HBP1: variants seen among roughly 807,000 people sequenced by gnomAD.
HBP1 encodes HMG-box transcription factor 1.
A neutral mutation model predicts 62.6 loss-of-function variants in HBP1; 20 were observed. The ratio of observed to expected loss-of-function variants is 0.32; its 90% CI spans 0.22 to 0.46. The LOEUF (loss-of-function observed/expected upper bound fraction) is 0.46, where lower values mean the gene tolerates loss of function less well. Ranked by LOEUF, HBP1 falls within the 20% of genes least tolerant of loss-of-function variation. HBP1 has a pLI of 1.00. For synonymous variants in HBP1, 232 were observed against 206.2 expected (o/e 1.12, Z -1.07); for missense variants, 480 against 611.8 (o/e 0.78, Z 2.27).
chr7:107,184,370 A>C (rs982883407), intron 3 of HBP1, among the ~76,000 whole-genome samples: 1 of 152,248 alleles, frequency 6.6e-6, no homozygotes, highest in South Asian at 2.1e-4. Flanking sequence ...TGATGTGAAC[A>C]TGAAAGTATA....
chr7:107,172,932 G>T (rs1026985461), intron 1 of HBP1, among the ~76,000 whole-genome samples: 1 of 152,122 alleles, frequency 6.6e-6, no homozygotes, highest in African/African-American at 2.4e-5. Flanking sequence ...GTCCAAATAA[G>T]AAAACAGGCC....
At chr7:107,170,990 TAA>T (rs1187702729) in intron 1 of HBP1, among the ~76,000 whole-genome samples, 1 of 141,848 alleles carries the variant, frequency 7.0e-6, no homozygotes, top group Non-Finnish European at 1.5e-5. Flanking sequence ...TGTATATATA[TAA>T]AATATATAAC....
At chr7:107,179,795 T>C (rs1333141278) in intron 1 of HBP1, 84 bp from the exon 2 acceptor site, 2 of 830,442 alleles carry the variant, frequency 2.4e-6, no homozygotes, top group Admixed American at 2.3e-5. Context: ...AACAACATTG[T>C]CATGTCTCTG....
In HBP1 at chr7:107,202,366, T is replaced by C; in HGVS notation, c.*935T>C. The C allele has an allele frequency of 6.6e-6, 1 of 152,632 alleles. No individual in the cohort carries two copies. Among genetic ancestry groups the C allele is most frequent in the African/African-American group, 2.4e-5 (1 of 41,450 alleles). 9.5% of individuals were successfully genotyped at this position (152,632 alleles called of 1,614,324 possible). On this transcript the variant is annotated 3_prime_UTR_variant, in exon 11 of 11. Transcript: ENST00000222574. ...CTGCTTTTGCTCTGAGCTACAATCA[T>C]GGCTTTTCATGTTACTTACCAAGTG... is the stretch of plus-strand genomic sequence containing the variant.
chr7:107,171,054 TA>T, intron 1 of HBP1, among the ~76,000 whole-genome samples: 1 of 61,114 alleles, frequency 1.6e-5, no homozygotes, highest in South Asian at 3.6e-4. Flanking sequence ...TAAATATATA[TA>T]TATATATATA....
In HBP1 at chr7:107,180,037, C is replaced by T. The variant is rs1384943845; in HGVS notation, c.144C>T (p.Asn48=). 3 of 1,591,314 alleles carry T rather than the reference C, an allele frequency of 1.9e-6. No individual in the cohort carries two copies. Among genetic ancestry groups the T allele is most frequent in the Admixed American group, 1.7e-5 (1 of 59,770 alleles). The part of the protein sequence containing the change: ...NENLPSSPGY[N]SCDEHMELDD... ...ATTTGCCATCTTCACCTGGATATAA[C>T]TCCTGTGATGAACACATGGAGCTTG... Residue 48 remains asparagine (N), a synonymous_variant, in exon 2 of 11, where the codon AAC becomes AAT. Coordinates refer to ENST00000222574, the MANE Select transcript of HBP1 (RefSeq NM_012257.4).
At chr7:107,171,025 TATATAAC>T (rs1796539585) in intron 1 of HBP1, among the ~76,000 whole-genome samples, 1 of 138,924 alleles carries the variant, frequency 7.2e-6, no homozygotes, top group Non-Finnish European at 1.5e-5. Flanking sequence ...ATATATAAAA[TATATAAC>T]ATATACATGT....
chr7:107,194,629 T>C (rs1292901000), intron 8 of HBP1, among the ~76,000 whole-genome samples: 2 of 152,244 alleles, frequency 1.3e-5, no homozygotes, highest in Non-Finnish European at 2.9e-5. Context: ...CATCTATCTT[T>C]AGAATTTTGT....
At chr7:107,194,567 T>C (rs1411213273) in intron 8 of HBP1, among the ~76,000 whole-genome samples, 2 of 152,214 alleles carry the variant, frequency 1.3e-5, no homozygotes, top group Non-Finnish European at 2.9e-5. Flanking sequence ...GTAGAAGTCA[T>C]TTACTGTGTG....
chr7:107,200,240 C>T lies in HBP1; in HGVS notation c.1466C>T (p.Ala489Val). The change falls in exon 10 of 11, where the codon GCT becomes GTT. Residue 489 changes from alanine (A) to valine (V), a missense_variant. By Grantham distance (64) the Ala-to-Val change is moderately conservative. Coordinates refer to ENST00000222574, the MANE Select transcript of HBP1 (RefSeq NM_012257.4). ...AGAATGTACACATTAGAAGCAAAGG[C>T]TTTGGCTGAAGAACAGAAACGTTTA... ...ERRMYTLEAK[A>V]LAEEQKRLNP... 1 of 1,612,942 alleles carries T rather than the reference C, an allele frequency of 6.2e-7. No individual in the cohort carries two copies. Among genetic ancestry groups the T allele is most frequent in the Non-Finnish European group, 8.5e-7 (1 of 1,179,144 alleles).
intron 2 of HBP1, among the ~76,000 whole-genome samples, chr7:107,181,755 A>C (rs1002628659): frequency 6.6e-6 from 1 of 151,130 alleles, no homozygotes; most frequent in Non-Finnish European, 1.5e-5. Context: ...TATATATATA[A>C]TTTTTTTTAA....
rs112899027 is a variant in HBP1, at chr7:107,173,036, C to T, written c.-16+3851C>T. On this transcript the variant is annotated intron_variant, in intron 1 of 10. Transcript: ENST00000222574. The stretch of plus-strand genomic sequence containing the variant: ...TGTTGTTTTGTCTTTTCTTGTAGCC[C>T]GGTGGCAAACTAGAGTTGTAGACAA... Among the ~76,000 whole-genome samples the T allele has an allele frequency of 8.5e-5, 13 of 152,202 alleles. 3 individuals carry two copies. The highest frequency in any genetic ancestry group is 2.6e-4 in the African/African-American group (11 of 41,524).
chr7:107,177,911 A>G (rs1796934833), intron 1 of HBP1, among the ~76,000 whole-genome samples: 1 of 152,048 alleles, frequency 6.6e-6, no homozygotes, highest in Non-Finnish European at 1.5e-5. Context: ...TCAGGAATAC[A>G]TTTCAAAACC....
intron 1 of HBP1, among the ~76,000 whole-genome samples, chr7:107,170,890 C>G (rs1345667450): frequency 6.7e-6 from 1 of 149,008 alleles, no homozygotes; most frequent in Admixed American, 6.7e-5. Flanking sequence ...GATACTGTCA[C>G]TGTAAGAGTT....
At chr7:107,169,634 G>A (rs71566718) in intron 1 of HBP1, 1 of 589,056 alleles carries the variant, frequency 1.7e-6, no homozygotes, top group Non-Finnish European at 2.1e-6. Flanking sequence ...ACCCCAGTGA[G>A]GCGCCGCCTC....
intron 9 of HBP1, among the ~76,000 whole-genome samples, chr7:107,198,208 A>G (rs1798021143): frequency 6.6e-6 from 1 of 151,920 alleles, no homozygotes; most frequent in Non-Finnish European, 1.5e-5. Flanking sequence ...TATTGCTCAA[A>G]AATCTTTTTT....
chr7:107,192,306 G>T (rs1797687929), intron 8 of HBP1, among the ~76,000 whole-genome samples: 1 of 151,970 alleles, frequency 6.6e-6, no homozygotes, highest in Admixed American at 6.6e-5. Context: ...CTAGAAATTA[G>T]TCAAGGGTCA....
intron 3 of HBP1, 34 bp downstream of exon 3, chr7:107,182,635 T>G (rs772444848): frequency 1.8e-6 from 2 of 1,138,050 alleles, no homozygotes; most frequent in South Asian, 2.6e-5. Flanking sequence ...ATTGAAACAT[T>G]CTATCATTAC....
chr7:107,185,986 C>T, intron 4 of HBP1, 44 bp downstream of exon 4: 2 of 1,459,538 alleles, frequency 1.4e-6, no homozygotes. Flanking sequence ...GTTTGTACAA[C>T]AGTTGAAGTA....
Sources: allele counts gnomAD v4.1 joint callset (sites outside exome capture counted in the v4.1 genomes callset), GRCh38; gene constraint gnomAD v4.1.1; transcripts MANE v1.5; gene names NCBI Gene and HGNC (gene_info 2026-07-23, HGNC 2026-07-21).